Variants in EFCAB11 observed in about 807,000 individuals in gnomAD.
The protein encoded by EFCAB11 is EF-hand calcium-binding domain-containing protein 11.
EFCAB11 carries 14 observed loss-of-function variants against 23.0 expected under a neutral mutation model. The observed-to-expected ratio is 0.61, with a 90% CI of 0.40 to 0.95. EFCAB11 has a LOEUF of 0.95. Among genes scored for constraint, EFCAB11 ranks in the 40% least tolerant of loss-of-function variants. The pLI, the probability that EFCAB11 is intolerant of heterozygous loss-of-function variation, is 0.00. For missense variants in EFCAB11, 198 were observed against 195.8 expected (o/e 1.01, Z -0.07); for synonymous variants, 65 against 66.6 (o/e 0.98, Z 0.11).
chr14:89,947,204 G>C (rs1172409748), intron 3 of EFCAB11, among the ~76,000 whole-genome samples: 1 of 152,058 alleles, frequency 6.6e-6, no homozygotes, highest in Admixed American at 6.6e-5. Context: ...TCTCTGTACT[G>C]TTTTATTTTG....
intron 5 of EFCAB11, among the ~76,000 whole-genome samples, chr14:89,890,734 A>C (rs1888938183): frequency 6.6e-6 from 1 of 152,222 alleles, no homozygotes; most frequent in African/African-American, 2.4e-5. Context: ...GGTTAGTGGA[A>C]AGAAAGTTGG....
intron 5 of EFCAB11, chr14:89,837,088 G>A (rs1022132860): frequency 6.6e-6 from 3 of 456,634 alleles, no homozygotes; most frequent in South Asian, 1.5e-5. Flanking sequence ...CAGAGGAGGG[G>A]TTTTTAGACT....
intron 1 of EFCAB11, 25 bp downstream of exon 1, chr14:89,954,561 G>A: frequency 6.2e-7 from 1 of 1,612,022 alleles, no homozygotes; most frequent in South Asian, 1.1e-5. Context: ...GAAGTCCGAG[G>A]CTCAGTCGCC....
intron 5 of EFCAB11, among the ~76,000 whole-genome samples, chr14:89,886,966 C>T (rs1022828720): frequency 2.6e-5 from 4 of 152,264 alleles, no homozygotes; most frequent in South Asian, 2.1e-4. Context: ...CTAAATAATC[C>T]ACAGAAAATC....
At chr14:89,805,259 A>C (rs1021516291) in intron 5 of EFCAB11, among the ~76,000 whole-genome samples, 3 of 152,034 alleles carry the variant, frequency 2.0e-5, no homozygotes, top group African/African-American at 7.2e-5. Flanking sequence ...ACAGACCCCC[A>C]CCCCAAGCTC....
At chr14:89,844,790 G>A (rs919505368) in intron 5 of EFCAB11, among the ~76,000 whole-genome samples, 1 of 152,188 alleles carries the variant, frequency 6.6e-6, no homozygotes. Context: ...CCTCATTTTT[G>A]TAATTCCTTC....
intron 3 of EFCAB11, among the ~76,000 whole-genome samples, chr14:89,942,676 G>C (rs544761535): frequency 6.6e-6 from 1 of 151,922 alleles, no homozygotes; most frequent in Non-Finnish European, 1.5e-5. Flanking sequence ...ATATTTCCTT[G>C]TTTCAAGCAG....
intron 5 of EFCAB11, among the ~76,000 whole-genome samples, chr14:89,814,367 C>A (rs945158561): frequency 6.6e-6 from 1 of 152,150 alleles, no homozygotes; most frequent in African/African-American, 2.4e-5. Flanking sequence ...AGCCTCTCCC[C>A]AGAACAACGA....
chr14:89,826,518 T>G (rs891313024), intron 5 of EFCAB11, among the ~76,000 whole-genome samples: 6 of 151,928 alleles, frequency 3.9e-5, no homozygotes, highest in Non-Finnish European at 5.9e-5. Context: ...GGTGTTGGCT[T>G]TATGGTATCT....
At chr14:89,875,664 T>C (rs1888415609) in intron 5 of EFCAB11, among the ~76,000 whole-genome samples, 1 of 152,126 alleles carries the variant, frequency 6.6e-6, no homozygotes, top group African/African-American at 2.4e-5. Flanking sequence ...AAAGGTAATA[T>C]AAACCATTTA....
chr14:89,870,610 C>T (rs1163649473), intron 5 of EFCAB11, among the ~76,000 whole-genome samples: 1 of 151,942 alleles, frequency 6.6e-6, no homozygotes, highest in East Asian at 1.9e-4. Flanking sequence ...GAACTCACCC[C>T]CAATGTCAGA....
chr14:89,907,716 T>C (rs1235827102), intron 5 of EFCAB11, among the ~76,000 whole-genome samples: 1 of 152,172 alleles, frequency 6.6e-6, no homozygotes, highest in Non-Finnish European at 1.5e-5. Context: ...AGGGTACACC[T>C]GTGGGGAGAG....
chr14:89,951,634 A>G (rs949801670), intron 2 of EFCAB11, among the ~76,000 whole-genome samples: 2 of 152,094 alleles, frequency 1.3e-5, no homozygotes, highest in East Asian at 3.9e-4. Context: ...ATGGGTGGGC[A>G]CAGTAGCTTA....
At position 89,804,323 on chromosome 14, in the gene EFCAB11, G is replaced by C. The variant is rs148271718; in HGVS notation, c.411-6999C>G. The stretch of plus-strand genomic sequence containing the variant: ...CTCCAGTCTCAGGCTGGTAATTAAC[G>C]CTTAAAAGCCTGTGCACGAATTATT... On this transcript the variant is annotated intron_variant, in intron 5 of 5. Coordinates refer to ENST00000316738, the MANE Select transcript of EFCAB11 (RefSeq NM_145231.4). 6.1e-4 allele frequency among the ~76,000 whole-genome samples: 93 copies of C among 152,294 alleles called. 1 individual carries two copies. The highest frequency in any genetic ancestry group is 2.2e-3 in the African/African-American group (92 of 41,544).
At chr14:89,921,379 G>C (rs765609206) in intron 5 of EFCAB11, among the ~76,000 whole-genome samples, 1 of 152,118 alleles carries the variant, frequency 6.6e-6, no homozygotes, top group Non-Finnish European at 1.5e-5. Flanking sequence ...ATTTGGTAGG[G>C]AATAAAAAGC....
intron 5 of EFCAB11, among the ~76,000 whole-genome samples, chr14:89,813,539 TTTTG>T (rs1196668795): frequency 1.3e-5 from 2 of 151,462 alleles, no homozygotes; most frequent in African/African-American, 2.5e-5. Context: ...TTTTGTTTTG[TTTTG>T]TTTTTCTTTC....
At chr14:89,944,230 A>G (rs113057125) in intron 3 of EFCAB11, among the ~76,000 whole-genome samples, 3,225 of 152,328 alleles carry the variant, frequency 0.021, 108 homozygotes, top group African/African-American at 0.072. Context: ...CATGTCTTAC[A>G]TGAATGACAG....
intron 5 of EFCAB11, among the ~76,000 whole-genome samples, chr14:89,819,989 T>C (rs918996639): frequency 2.0e-5 from 3 of 152,306 alleles, no homozygotes; most frequent in East Asian, 1.9e-4. Context: ...CAGTAAACTA[T>C]GGCTCATCAA....
At chr14:89,945,929 T>A (rs1278161009) in intron 3 of EFCAB11, among the ~76,000 whole-genome samples, 1 of 151,512 alleles carries the variant, frequency 6.6e-6, no homozygotes, top group Admixed American at 6.6e-5. Context: ...TTTTTTATTT[T>A]TTTTTTTGAG....
Sources: allele counts gnomAD v4.1 joint callset (sites outside exome capture counted in the v4.1 genomes callset), GRCh38; gene constraint gnomAD v4.1.1; transcripts MANE v1.5; gene names NCBI Gene and HGNC (gene_info 2026-07-23, HGNC 2026-07-21).